KCNIP4: variants seen among roughly 807,000 people sequenced by gnomAD.
KCNIP4 encodes the protein Kv channel-interacting protein 4.
Under a neutral mutation model 34.0 loss-of-function variants are expected in KCNIP4, and 12 were observed. The ratio of observed to expected loss-of-function variants is 0.35; its 90% CI spans 0.23 to 0.57. The LOEUF is 0.57. Ranked by LOEUF, KCNIP4 falls within the 20% of genes least tolerant of loss-of-function variation. The pLI, the probability that KCNIP4 is intolerant of heterozygous loss-of-function variation, is 0.83. For missense variants in KCNIP4, 238 were observed against 311.7 expected, an observed-to-expected ratio of 0.76 and a Z score of 1.78; for synonymous variants, 124 against 102.2, an observed-to-expected ratio of 1.21 and a Z score of -1.29.
At chr4:21,375,802 C>T (rs935338519) in intron 1 of KCNIP4, among the ~76,000 whole-genome samples, 1 of 152,032 alleles carries the variant, frequency 6.6e-6, no homozygotes, top group Non-Finnish European at 1.5e-5. Flanking sequence ...CTCCTGACCT[C>T]GTGATTGGCC....
intron 1 of KCNIP4, among the ~76,000 whole-genome samples, chr4:21,086,989 CTTTTT>C (rs559696005): frequency 1.6e-5 from 2 of 126,838 alleles, no homozygotes; most frequent in Non-Finnish European, 3.4e-5. Flanking sequence ...CTCTTTCTTT[CTTTTT>C]TTTTTTTTTG....
intron 1 of KCNIP4, among the ~76,000 whole-genome samples, chr4:21,143,416 T>C (rs1486961221): frequency 6.6e-6 from 1 of 152,166 alleles, no homozygotes; most frequent in East Asian, 1.9e-4. Context: ...ACCTCAGTCC[T>C]ACAACCACAT....
At chr4:21,321,182 T>C (rs1474954352) in intron 1 of KCNIP4, among the ~76,000 whole-genome samples, 1 of 152,164 alleles carries the variant, frequency 6.6e-6, no homozygotes, top group African/African-American at 2.4e-5. Context: ...TTATTTGTTA[T>C]GAAATGTTTG....
chr4:21,106,365 A>T (rs1748534043), intron 1 of KCNIP4, among the ~76,000 whole-genome samples: 1 of 151,384 alleles, frequency 6.6e-6, no homozygotes, highest in African/African-American at 2.4e-5. Context: ...TTTCTTCTAG[A>T]TTTTCTAGTT....
chr4:21,178,874 G>A (rs968221098), intron 1 of KCNIP4, among the ~76,000 whole-genome samples: 1 of 147,850 alleles, frequency 6.8e-6, no homozygotes, highest in Non-Finnish European at 1.5e-5. Flanking sequence ...TGCAGTGCAA[G>A]TGGCATGATC....
At chr4:21,628,923 A>G (rs1745521821) in intron 1 of KCNIP4, among the ~76,000 whole-genome samples, 1 of 152,220 alleles carries the variant, frequency 6.6e-6, no homozygotes, top group African/African-American at 2.4e-5. Context: ...CTTTTTAATT[A>G]TATAAGAATT....
intron 1 of KCNIP4, among the ~76,000 whole-genome samples, chr4:21,233,895 C>T (rs1758991045): frequency 7.3e-6 from 1 of 136,948 alleles, no homozygotes; most frequent in Non-Finnish European, 1.5e-5. Flanking sequence ...ATATATATCA[C>T]ATATAACTAA....
At chr4:21,751,153 C>T (rs1333838817) in intron 1 of KCNIP4, among the ~76,000 whole-genome samples, 9 of 152,106 alleles carry the variant, frequency 5.9e-5, no homozygotes, top group Admixed American at 4.6e-4. Context: ...ACCAAACATC[C>T]CCTTTCTCAA....
chr4:21,153,437 C>A (rs988068939), intron 1 of KCNIP4, among the ~76,000 whole-genome samples: 3 of 150,124 alleles, frequency 2.0e-5, no homozygotes, highest in Non-Finnish European at 4.4e-5. Context: ...TTTGTTAATT[C>A]TCTCTCTGTC....
At chr4:20,872,660 G>T (rs73802379) in intron 2 of KCNIP4, among the ~76,000 whole-genome samples, 8 of 151,960 alleles carry the variant, frequency 5.3e-5, no homozygotes, top group Non-Finnish European at 1.2e-4. Context: ...AAGCTACCTT[G>T]GTTACCATTA....
intron 1 of KCNIP4, among the ~76,000 whole-genome samples, chr4:21,679,531 C>T (rs1411262844): frequency 6.6e-6 from 1 of 152,122 alleles, no homozygotes; most frequent in Non-Finnish European, 1.5e-5. Flanking sequence ...TGAAACCCAC[C>T]TCAAATATTA....
chr4:21,212,240 T>A (rs1284274215), intron 1 of KCNIP4, among the ~76,000 whole-genome samples: 2 of 152,192 alleles, frequency 1.3e-5, no homozygotes, highest in Non-Finnish European at 2.9e-5. Flanking sequence ...TAACTAATAT[T>A]TTCTAAGTCA....
At chr4:21,013,907 G>T (rs979886810) in intron 1 of KCNIP4, among the ~76,000 whole-genome samples, 1 of 152,074 alleles carries the variant, frequency 6.6e-6, no homozygotes, top group Non-Finnish European at 1.5e-5. Context: ...TCTTTACCTT[G>T]TCAGCTTCCA....
At chr4:21,185,258 G>A (rs1755129545) in intron 1 of KCNIP4, among the ~76,000 whole-genome samples, 1 of 151,396 alleles carries the variant, frequency 6.6e-6, no homozygotes, top group Non-Finnish European at 1.5e-5. Flanking sequence ...AAAATCCTAA[G>A]TCATGACAAT....
chr4:20,761,563 C>T lies in KCNIP4; in HGVS notation c.289-2673G>A, dbSNP rs927491915. Reference sequence around the variant, plus strand: ...GTAAGGAGAGAGTAAATACCTGGCTCTCTGCCATCAGGTGGCAAGCTTGTG... The same window carrying T: ...GTAAGGAGAGAGTAAATACCTGGCTTTCTGCCATCAGGTGGCAAGCTTGTG... On this transcript the variant is annotated intron_variant, in intron 3 of 8. Coordinates refer to ENST00000382152, the MANE Select transcript of KCNIP4 (RefSeq NM_025221.6). Among the ~76,000 whole-genome samples, 8 of 152,268 alleles carry T rather than the reference C, an allele frequency of 5.3e-5. 1 individual carries two copies. Among genetic ancestry groups the T allele is most frequent in the Admixed American group, 5.2e-4 (8 of 15,278 alleles).
intron 1 of KCNIP4, among the ~76,000 whole-genome samples, chr4:21,366,526 G>C (rs1383490006): frequency 6.6e-6 from 1 of 152,224 alleles, no homozygotes; most frequent in Non-Finnish European, 1.5e-5. Context: ...AGAACAGACA[G>C]AGCACTAACG....
chr4:20,932,739 T>C (rs1007872891), intron 1 of KCNIP4, among the ~76,000 whole-genome samples: 3 of 152,156 alleles, frequency 2.0e-5, no homozygotes, highest in African/African-American at 7.2e-5. Context: ...GATTCAACTT[T>C]CAGTTTTTAA....
At chr4:21,141,846 G>A (rs1234884494) in intron 1 of KCNIP4, among the ~76,000 whole-genome samples, 1 of 151,340 alleles carries the variant, frequency 6.6e-6, no homozygotes, top group African/African-American at 2.4e-5. Context: ...TCAGGATAAG[G>A]AGACAACAGA....
intron 1 of KCNIP4, among the ~76,000 whole-genome samples, chr4:21,256,778 T>C (rs563675163): frequency 1.3e-5 from 2 of 152,278 alleles, no homozygotes; most frequent in South Asian, 2.1e-4. Context: ...GATAATTGAT[T>C]GTGCTTTGGG....
Sources: allele counts gnomAD v4.1 joint callset (sites outside exome capture counted in the v4.1 genomes callset), GRCh38; gene constraint gnomAD v4.1.1; transcripts MANE v1.5; gene names NCBI Gene and HGNC (gene_info 2026-07-23, HGNC 2026-07-21).